TNRC6C: variants seen among roughly 807,000 people sequenced by gnomAD.
TNRC6C encodes trinucleotide repeat containing adaptor 6C, also known as trinucleotide repeat-containing gene 6C protein.
TNRC6C carries 20 observed loss-of-function variants against 153.7 expected under a neutral mutation model. The observed-to-expected ratio is 0.13, with a 90% CI of 0.09 to 0.19. The LOEUF is 0.19. Ranked by LOEUF, TNRC6C falls within the 10% of genes least tolerant of loss-of-function variation. TNRC6C has a pLI of 1.00. For synonymous variants in TNRC6C, 811 were observed against 841.4 expected, an observed-to-expected ratio of 0.96 and a Z score of 0.63; for missense variants, 1,987 against 2,172.0, an observed-to-expected ratio of 0.91 and a Z score of 1.69.
At chr17:78,103,679 A>G in intron 19 of TNRC6C, 126 bp downstream of exon 22, 1 of 1,338,344 alleles carries the variant, frequency 7.5e-7, no homozygotes, top group Non-Finnish European at 1.0e-6. Context: ...CCACCCTCCC[A>G]CTTCTGGAGG....
chr17:77,975,987 G>A (rs531516846), intron 1 of TNRC6C, among the ~76,000 whole-genome samples: 5 of 152,278 alleles, frequency 3.3e-5, no homozygotes, highest in Admixed American at 2.6e-4. Flanking sequence ...TTCTAGGAAT[G>A]CCACTTATTA....
intron 2 of TNRC6C, among the ~76,000 whole-genome samples, chr17:78,040,096 C>T (rs2072262868): frequency 6.6e-6 from 1 of 152,148 alleles, no homozygotes; most frequent in South Asian, 2.1e-4. Flanking sequence ...GAAACATTGG[C>T]CTTCTCATAA....
intron 3 of TNRC6C, among the ~76,000 whole-genome samples, chr17:78,061,873 A>G (rs908349137): frequency 2.6e-5 from 4 of 152,186 alleles, no homozygotes; most frequent in African/African-American, 9.7e-5. Flanking sequence ...TCAATGAACT[A>G]TGCTTACCAC....
At chr17:78,092,990 C>T in exon 15 of TNRC6C, 5 of 1,613,872 alleles carry the variant, frequency 3.1e-6, no homozygotes, top group Non-Finnish European at 2.5e-6. Context: ...ATTGATGACT[C>T]CTATGGCCGG....
intron 6 of TNRC6C, 91 bp downstream of exon 8, chr17:78,071,256 G>A (rs1234282500): frequency 1.6e-6 from 2 of 1,259,026 alleles, no homozygotes; most frequent in Non-Finnish European, 2.3e-6. Context: ...ATGTGTGTCA[G>A]AAGACACCAA....
intron 1 of TNRC6C, among the ~76,000 whole-genome samples, chr17:77,959,943 G>T (rs2070848006): frequency 6.6e-6 from 1 of 152,192 alleles, no homozygotes; most frequent in Non-Finnish European, 1.5e-5. Flanking sequence ...ATGTGCAGAT[G>T]TGGATGTGGG....
At chr17:78,054,786 A>G (rs1490797544) in intron 3 of TNRC6C, among the ~76,000 whole-genome samples, 1 of 152,106 alleles carries the variant, frequency 6.6e-6, no homozygotes, top group African/African-American at 2.4e-5. Context: ...ACATTACTGC[A>G]GACTACTGTA....
intron 15 of TNRC6C, 134 bp from the exon 18 acceptor site, chr17:78,093,486 G>A: frequency 9.2e-7 from 1 of 1,081,276 alleles, no homozygotes; most frequent in South Asian, 1.6e-5. Context: ...ATGAAAGAGA[G>A]TATAAGGTGT....
chr17:78,071,680 G>A lies in TNRC6C; in HGVS notation c.2859+515G>A, dbSNP rs545202621. ...TGGGATTACAGGCATGAGTCACTAC[G>A]CCCAGCCGGAAAATGCTGTGTGATT... On this transcript the variant is annotated intron_variant, in intron 6 of 19. Transcript: ENST00000301624. Among the ~76,000 whole-genome samples, 6 of 152,290 alleles carry A rather than the reference G, an allele frequency of 3.9e-5. No individual in the cohort carries two copies. The East Asian group carries it at 9.6e-4, about 24-fold the overall frequency.
chr17:78,077,026 C>T (rs2144363219), intron 8 of TNRC6C, 159 bp from the exon 11 acceptor site: 1 of 746,654 alleles, frequency 1.3e-6, no homozygotes, highest in Non-Finnish European at 2.1e-6. Context: ...TTCTTTTTCC[C>T]CTCTTCCTTT....
intron 3 of TNRC6C, among the ~76,000 whole-genome samples, chr17:78,059,210 G>A (rs1057279612): frequency 6.6e-6 from 1 of 152,148 alleles, no homozygotes; most frequent in African/African-American, 2.4e-5. Flanking sequence ...ACATAACTTC[G>A]GAAATAGATC....
intron 6 of TNRC6C, among the ~76,000 whole-genome samples, chr17:78,071,806 GA>G (rs1273307691): frequency 6.6e-6 from 1 of 152,184 alleles, no homozygotes; most frequent in Non-Finnish European, 1.5e-5. Flanking sequence ...GATCACAAAA[GA>G]AAACTTGATG....
chr17:78,081,672 G>A (rs190892735), intron 10 of TNRC6C, among the ~76,000 whole-genome samples: 68 of 152,230 alleles, frequency 4.5e-4, no homozygotes, highest in African/African-American at 1.3e-3. Context: ...CTACTGTGCC[G>A]GTGGCCTTGA....
intron 1 of TNRC6C, among the ~76,000 whole-genome samples, chr17:78,030,326 G>A (rs951498059): frequency 3.4e-5 from 2 of 59,620 alleles, no homozygotes; most frequent in African/African-American, 7.7e-5. Flanking sequence ...GTGTGTGTGC[G>A]TGTGTGTGTG....
intron 1 of TNRC6C, among the ~76,000 whole-genome samples, chr17:77,996,014 A>C (rs1255677778): frequency 6.6e-6 from 1 of 152,180 alleles, no homozygotes; most frequent in Non-Finnish European, 1.5e-5. Context: ...TCGAGGCTGC[A>C]GTGAGCTGTG....
At chr17:78,087,242 G>A (rs1364224133) in intron 13 of TNRC6C, 149 bp downstream of exon 15, 39 of 1,385,862 alleles carry the variant, frequency 2.8e-5, no homozygotes, top group East Asian at 1.5e-4. Context: ...AGACAAAATC[G>A]GAGAGCAGGT....
intron 13 of TNRC6C, among the ~76,000 whole-genome samples, chr17:78,090,884 T>C (rs2073381690): frequency 6.6e-6 from 1 of 152,220 alleles, no homozygotes; most frequent in Non-Finnish European, 1.5e-5. Flanking sequence ...ATCCTATCAG[T>C]CTGTTTCATA....
At chr17:78,091,408 C>G (rs993699709) in intron 13 of TNRC6C, 32 bp from the exon 16 acceptor site, 3 of 1,534,490 alleles carry the variant, frequency 2.0e-6, no homozygotes, top group Non-Finnish European at 1.8e-6. Context: ...TTTAGAGGAG[C>G]AGGCGAATCC....
At chr17:78,007,875 A>G (rs189511536) in intron 1 of TNRC6C, among the ~76,000 whole-genome samples, 4 of 152,354 alleles carry the variant, frequency 2.6e-5, no homozygotes, top group Non-Finnish European at 5.9e-5. Context: ...ACACCACTCA[A>G]CTAGTAGCAT....
Sources: allele counts gnomAD v4.1 joint callset (sites outside exome capture counted in the v4.1 genomes callset), GRCh38; gene constraint gnomAD v4.1.1; transcripts MANE v1.5; gene names NCBI Gene and HGNC (gene_info 2026-07-23, HGNC 2026-07-21).